CNTNAP5: variants seen among roughly 807,000 people sequenced by gnomAD.
CNTNAP5 encodes contactin associated protein family member 5.
Under a neutral mutation model 150.2 loss-of-function variants are expected in CNTNAP5, and 72 were observed. The ratio of observed to expected loss-of-function variants is 0.48; its 90% CI spans 0.40 to 0.58. The LOEUF is 0.58. Ranked by LOEUF, CNTNAP5 falls within the 20% of genes least tolerant of loss-of-function variation. The pLI is 0.00. For synonymous variants in CNTNAP5, 672 were observed against 619.8 expected, an observed-to-expected ratio of 1.08 and a Z score of -1.25; for missense variants, 1,636 against 1,626.2, an observed-to-expected ratio of 1.01 and a Z score of -0.10.
intron 13 of CNTNAP5, among the ~76,000 whole-genome samples, chr2:124,747,023 G>A (rs1413579436): frequency 6.6e-6 from 1 of 151,770 alleles, no homozygotes; most frequent in Non-Finnish European, 1.5e-5. Context: ...GAAAAAGAAG[G>A]AACAAAAAAA....
At chr2:124,607,854 C>T (rs550971551) in intron 11 of CNTNAP5, among the ~76,000 whole-genome samples, 37 of 152,272 alleles carry the variant, frequency 2.4e-4, no homozygotes, top group Non-Finnish European at 4.7e-4. Context: ...TTGTGACAAA[C>T]ACCCAAGGGC....
intron 7 of CNTNAP5, among the ~76,000 whole-genome samples, chr2:124,481,274 A>G (rs942770462): frequency 2.6e-5 from 4 of 152,182 alleles, no homozygotes; most frequent in Admixed American, 6.6e-5. Flanking sequence ...CTTACCTCCT[A>G]ATACCAACAT....
intron 13 of CNTNAP5, among the ~76,000 whole-genome samples, chr2:124,727,055 G>T (rs952420264): frequency 6.6e-6 from 1 of 151,944 alleles, no homozygotes; most frequent in Admixed American, 6.6e-5. Flanking sequence ...TCTGCATGTG[G>T]ATACACAGTT....
At chr2:124,308,278 G>T (rs1214641196) in intron 3 of CNTNAP5, among the ~76,000 whole-genome samples, 1 of 152,046 alleles carries the variant, frequency 6.6e-6, no homozygotes, top group Non-Finnish European at 1.5e-5. Flanking sequence ...GCCAGTCTTG[G>T]TCATTAATTC....
At chr2:124,896,832 C>G (rs1226359935) in intron 21 of CNTNAP5, among the ~76,000 whole-genome samples, 1 of 151,610 alleles carries the variant, frequency 6.6e-6, no homozygotes, top group Non-Finnish European at 1.5e-5. Context: ...AGCCACCGCA[C>G]CTGGCTAAGA....
rs185660394 is a variant in CNTNAP5 at position 124,565,902 on chromosome 2, A to G, written c.1756+2579A>G. Reference sequence around the variant, plus strand: ...GCGTGAGCCACCACGCCCGGCCTTTACCTAGTTCTTCTATGTGAATACGTA... The same window carrying G: ...GCGTGAGCCACCACGCCCGGCCTTTGCCTAGTTCTTCTATGTGAATACGTA... On this transcript the variant is annotated intron_variant, in intron 11 of 23. Coordinates refer to ENST00000682447, the MANE Select transcript of CNTNAP5 (RefSeq NM_001367498.1). Among the ~76,000 whole-genome samples, 280 of 150,638 alleles carry G rather than the reference A, an allele frequency of 1.9e-3. 3 individuals are homozygous for G. Among genetic ancestry groups the G allele is most frequent in the African/African-American group, 6.6e-3 (271 of 41,022 alleles).
intron 3 of CNTNAP5, among the ~76,000 whole-genome samples, chr2:124,297,996 C>T (rs1688484326): frequency 6.6e-6 from 1 of 151,992 alleles, no homozygotes; most frequent in Non-Finnish European, 1.5e-5. Context: ...AGGTGCTCAC[C>T]ACCACGCCTG....
chr2:124,423,652 CTTTTTT>C (rs1187961580), intron 4 of CNTNAP5, among the ~76,000 whole-genome samples: 7 of 41,592 alleles, frequency 1.7e-4, no homozygotes, highest in African/African-American at 4.2e-4. Context: ...GGCTAATTAA[CTTTTTT>C]TTTTTTTTTT....
chr2:124,879,205 G>T (rs1402172879), intron 21 of CNTNAP5, among the ~76,000 whole-genome samples: 1 of 152,038 alleles, frequency 6.6e-6, no homozygotes, highest in Admixed American at 6.6e-5. Flanking sequence ...GGGTAGTCAT[G>T]AGGTTCCAAA....
chr2:124,235,093 A>G (rs1311517356), intron 2 of CNTNAP5, among the ~76,000 whole-genome samples: 2 of 152,156 alleles, frequency 1.3e-5, no homozygotes, highest in Non-Finnish European at 2.9e-5. Context: ...GTCTCCACTG[A>G]AGTCAAGGTT....
chr2:124,075,486 C>A (rs987824753), intron 1 of CNTNAP5, among the ~76,000 whole-genome samples: 2 of 152,110 alleles, frequency 1.3e-5, no homozygotes, highest in Non-Finnish European at 2.9e-5. Flanking sequence ...TCTTAGCCTG[C>A]ATGTCTACAG....
At chr2:124,548,114 G>GA (rs899704645) in intron 10 of CNTNAP5, among the ~76,000 whole-genome samples, 1 of 152,142 alleles carries the variant, frequency 6.6e-6, no homozygotes, top group Non-Finnish European at 1.5e-5. Flanking sequence ...GAAAGAGGGG[G>GA]AAAAAACATT....
intron 18 of CNTNAP5, among the ~76,000 whole-genome samples, chr2:124,797,668 A>G (rs1681875086): frequency 6.6e-6 from 1 of 152,244 alleles, no homozygotes; most frequent in African/African-American, 2.4e-5. Context: ...CCAGAGAAGA[A>G]CACAAACTAG....
intron 11 of CNTNAP5, among the ~76,000 whole-genome samples, chr2:124,587,180 T>A (rs1450312081): frequency 6.6e-6 from 1 of 152,216 alleles, no homozygotes; most frequent in Non-Finnish European, 1.5e-5. Flanking sequence ...GTAGCTACTA[T>A]GATTTTGTCT....
intron 13 of CNTNAP5, among the ~76,000 whole-genome samples, chr2:124,708,694 A>G (rs1432648726): frequency 3.3e-5 from 5 of 152,110 alleles, no homozygotes; most frequent in Admixed American, 1.3e-4. Flanking sequence ...TTTCCTTGCT[A>G]CTACCTTTAT....
At chr2:124,603,235 T>C (rs891867641) in intron 11 of CNTNAP5, among the ~76,000 whole-genome samples, 2 of 152,218 alleles carry the variant, frequency 1.3e-5, no homozygotes, top group Non-Finnish European at 2.9e-5. Flanking sequence ...ATTTAACTAA[T>C]TGCATTCTTA....
intron 3 of CNTNAP5, among the ~76,000 whole-genome samples, chr2:124,363,827 A>G (rs1043391614): frequency 7.9e-5 from 12 of 152,336 alleles, no homozygotes; most frequent in African/African-American, 2.9e-4. Flanking sequence ...TAAACTGTAA[A>G]CATTAAATAT....
At chr2:124,270,884 T>C (rs561665085) in intron 3 of CNTNAP5, among the ~76,000 whole-genome samples, 3 of 152,324 alleles carry the variant, frequency 2.0e-5, no homozygotes, top group South Asian at 4.1e-4. Flanking sequence ...AGAATATGTA[T>C]GCTTATCACA....
intron 3 of CNTNAP5, among the ~76,000 whole-genome samples, chr2:124,368,222 T>C (rs1690425073): frequency 6.6e-6 from 1 of 152,042 alleles, no homozygotes; most frequent in Non-Finnish European, 1.5e-5. Flanking sequence ...CAGGAGAAAA[T>C]GGTTTTAGAA....
Sources: allele counts gnomAD v4.1 joint callset (sites outside exome capture counted in the v4.1 genomes callset), GRCh38; gene constraint gnomAD v4.1.1; transcripts MANE v1.5; gene names NCBI Gene and HGNC (gene_info 2026-07-23, HGNC 2026-07-21).